C1QTNF2: variants seen among roughly 807,000 people sequenced by gnomAD.
C1QTNF2 encodes the protein C1q and TNF related 2, also known as complement C1q tumor necrosis factor-related protein 2.
C1QTNF2 carries 15 observed loss-of-function variants against 17.4 expected under a neutral mutation model. That is an observed-to-expected ratio of 0.86 (90% CI 0.58 to 1.33). C1QTNF2 has a LOEUF of 1.33. Ranked by LOEUF, C1QTNF2 falls within the 40% of genes most tolerant of loss-of-function variation. The pLI is 0.00. For missense variants in C1QTNF2, 381 were observed against 392.3 expected (o/e 0.97, Z 0.24); for synonymous variants, 154 against 163.3 (o/e 0.94, Z 0.44).
In C1QTNF2 at chr5:160,349,810, A is replaced by G. The variant is rs999174809; in HGVS notation, c.245-29T>C. 7 of 1,510,440 alleles carry G rather than the reference A, an allele frequency of 4.6e-6. No individual in the cohort carries two copies. Among genetic ancestry groups the G allele is most frequent in the Non-Finnish European group, 6.1e-6 (7 of 1,140,530 alleles). The allele number at this position is 1,510,440 out of a possible 1,614,324, so 93.6% of individuals were successfully genotyped here. Reference sequence around the variant, plus strand: ...GAAGACAGAGCAGCTGGTGTTATGGAGGGTCCTCACAGACCTAGGCAGAGG... The same window carrying G: ...GAAGACAGAGCAGCTGGTGTTATGGGGGGTCCTCACAGACCTAGGCAGAGG... On this transcript the variant is annotated intron_variant, in intron 2 of 2. Coordinates refer to ENST00000652664, the MANE Select transcript of C1QTNF2 (RefSeq NM_031908.6). The surrounding 1 kb of genome is among the most constrained non-coding windows in gnomAD (Gnocchi z 4.3).
At chr5:160,370,395 C>A (rs759041125) in intron 1 of C1QTNF2, 117 bp downstream of exon 1, 1 of 1,279,916 alleles carries the variant, frequency 7.8e-7, no homozygotes, top group Non-Finnish European at 1.0e-6. Flanking sequence ...AATAAAGGCG[C>A]GCTGGCAGCT....
Position 160,362,078 on chromosome 5 carries a change from G to A in C1QTNF2, c.-9-7058C>T, listed in dbSNP as rs145861871. 5.7e-4 allele frequency among the ~76,000 whole-genome samples: 87 copies of A among 152,258 alleles called. No individual in the cohort carries two copies. The East Asian group carries it at 7.9e-3, about 14-fold the overall frequency. ...TTGAATAACCTTGAATGAACTGGCC[G>A]CCCTTACGGAGACTGGAATAATCCA... is the stretch of plus-strand genomic sequence containing the variant. On this transcript the variant is annotated intron_variant, in intron 1 of 2. Coordinates refer to ENST00000652664, the MANE Select transcript of C1QTNF2 (RefSeq NM_031908.6).
intron 2 of C1QTNF2, among the ~76,000 whole-genome samples, chr5:160,352,088 T>C (rs1763935540): frequency 6.6e-6 from 1 of 151,980 alleles, no homozygotes; most frequent in African/African-American, 2.4e-5. Context: ...TTTTAAAATT[T>C]TTTGTAGAAA....
chr5:160,367,504 G>A (rs2961923), intron 1 of C1QTNF2, among the ~76,000 whole-genome samples: 74,472 of 152,000 alleles, frequency 0.49, 19,436 homozygotes, highest in Middle Eastern at 0.59. Context: ...TATGAGTGGT[G>A]TCGTTACATT....
intron 1 of C1QTNF2, among the ~76,000 whole-genome samples, chr5:160,366,188 A>T (rs1412745908): frequency 2.0e-5 from 3 of 152,136 alleles, no homozygotes; most frequent in Non-Finnish European, 4.4e-5. Context: ...CTCACTTATG[A>T]GTGAGAACAT....
At chr5:160,358,110 G>A (rs1309020519) in intron 1 of C1QTNF2, among the ~76,000 whole-genome samples, 1 of 152,262 alleles carries the variant, frequency 6.6e-6, no homozygotes, top group Non-Finnish European at 1.5e-5. Flanking sequence ...GGGTGGAAGG[G>A]TGTGTGTCTG....
chr5:160,370,486 G>T, intron 1 of C1QTNF2, 26 bp downstream of exon 1: 2 of 1,416,166 alleles, frequency 1.4e-6, no homozygotes, highest in East Asian at 2.9e-5. Flanking sequence ...TGCCGCCCCC[G>T]CCCGACCGCG....
chr5:160,359,023 G>A (rs563670446), intron 1 of C1QTNF2, among the ~76,000 whole-genome samples: 76 of 152,158 alleles, frequency 5.0e-4, no homozygotes, highest in African/African-American at 1.8e-3. Flanking sequence ...CGATCTACCC[G>A]TTTCAGCCTC....
rs1202709443 is a variant in C1QTNF2 at position 160,348,871 on chromosome 5, T to C, written c.*297A>G. Reference sequence around the variant, plus strand: ...TTGTATATTTGTAAATTGTATCTCCTGCTAGAATGTAAGCTGCATGAGGAC... The same window carrying C: ...TTGTATATTTGTAAATTGTATCTCCCGCTAGAATGTAAGCTGCATGAGGAC... On this transcript the variant is annotated 3_prime_UTR_variant, in exon 3 of 3. Transcript: ENST00000652664. The C allele has an allele frequency of 1.6e-5, 5 of 317,974 alleles. No individual in the cohort carries two copies. In the South Asian group the frequency reaches 5.1e-4, roughly 33 times the overall value. 19.7% of individuals were successfully genotyped at this position (317,974 alleles called of 1,614,324 possible).
At chr5:160,369,127 C>T (rs933387085) in intron 1 of C1QTNF2, among the ~76,000 whole-genome samples, 1 of 151,318 alleles carries the variant, frequency 6.6e-6, no homozygotes, top group Non-Finnish European at 1.5e-5. Context: ...AAATACTTTC[C>T]GAAAAGACAC....
At chr5:160,367,375 C>T (rs552293758) in intron 1 of C1QTNF2, among the ~76,000 whole-genome samples, 1 of 152,174 alleles carries the variant, frequency 6.6e-6, no homozygotes, top group African/African-American at 2.4e-5. Context: ...TGTGTCTCCC[C>T]AGAATTCACA....
At chr5:160,369,576 C>G (rs185673476) in intron 1 of C1QTNF2, among the ~76,000 whole-genome samples, 20 of 152,272 alleles carry the variant, frequency 1.3e-4, no homozygotes, top group African/African-American at 4.8e-4. Flanking sequence ...TTGGATTGAC[C>G]TATGTAAGAC....
chr5:160,358,842 G>A (rs1018564340), intron 1 of C1QTNF2, among the ~76,000 whole-genome samples: 3 of 152,010 alleles, frequency 2.0e-5, no homozygotes, highest in Non-Finnish European at 2.9e-5. Context: ...GTGCAGTGGC[G>A]TGATCTCGGC....
chr5:160,369,915 T>C (rs1764318470), intron 1 of C1QTNF2, among the ~76,000 whole-genome samples: 2 of 152,182 alleles, frequency 1.3e-5, no homozygotes, highest in African/African-American at 2.4e-5. Context: ...TCATGAGGCA[T>C]TGAGTACAAA....
intron 1 of C1QTNF2, among the ~76,000 whole-genome samples, chr5:160,368,437 CAGA>C (rs1764285425): frequency 6.7e-6 from 1 of 148,524 alleles, no homozygotes; most frequent in Non-Finnish European, 1.5e-5. Flanking sequence ...GAGGCTGAGG[CAGA>C]AGAATTGCTT....
chr5:160,354,868 T>C lies in C1QTNF2; in HGVS notation c.144A>G (p.Pro48=), dbSNP rs201835840. The change falls in exon 2 of 3, where the codon CCA becomes CCG. Residue 48 remains proline (P), a synonymous_variant. Coordinates refer to ENST00000652664, the MANE Select transcript of C1QTNF2 (RefSeq NM_031908.6). ...TCATTCCTGAGGGCCCTGGGGCTCC[T>C]GGGGGGCCGGGTGGGCCCTGGGGGC... is the stretch of plus-strand genomic sequence containing the variant. The part of the protein sequence containing the change: ...LPGPQGPPGP[P]GAPGPSGMMG... 1.2e-5 allele frequency: 19 copies of C among 1,608,726 alleles called. No individual in the cohort carries two copies. The East Asian group carries it at 3.4e-4, about 28-fold the overall frequency.
At chr5:160,357,031 C>T (rs1445703047) in intron 1 of C1QTNF2, among the ~76,000 whole-genome samples, 1 of 152,182 alleles carries the variant, frequency 6.6e-6, no homozygotes, top group Non-Finnish European at 1.5e-5. Flanking sequence ...CTGCAAAAGG[C>T]CCCCATGGAA....
intron 2 of C1QTNF2, among the ~76,000 whole-genome samples, chr5:160,353,439 TTCATACGGTCCTAGCGGGGCTGTCAG>T (rs1379836043): frequency 6.6e-6 from 1 of 152,064 alleles, no homozygotes; most frequent in Non-Finnish European, 1.5e-5. Flanking sequence ...ACCATTTCAT[TTCATACGGTCCTAGCGGGGCTGTCAG>T]TCACAATGAC....
At position 160,347,839 on chromosome 5, in the gene C1QTNF2, A is replaced by G. The variant is rs1429901526; in HGVS notation, c.*1329T>C. Reference sequence around the variant, plus strand: ...CAGTGGCAGGATCTCAGCTAACTGCAACCTCCACCTCCTGGGTTCAAGCGA... The same window carrying G: ...CAGTGGCAGGATCTCAGCTAACTGCGACCTCCACCTCCTGGGTTCAAGCGA... On this transcript the variant is annotated 3_prime_UTR_variant, in exon 3 of 3. Coordinates refer to ENST00000652664, the MANE Select transcript of C1QTNF2 (RefSeq NM_031908.6). 6.6e-6 allele frequency: 1 copy of G among 150,384 alleles called. No individual in the cohort carries two copies. Among genetic ancestry groups the G allele is most frequent in the Non-Finnish European group, 1.5e-5 (1 of 67,812 alleles). The allele number at this position is 150,384 out of a possible 1,614,324, so 9.3% of individuals were successfully genotyped here.
Sources: gnomAD v4.1 joint callset for allele counts (sites outside exome capture counted in the v4.1 genomes callset) on GRCh38, gnomAD v4.1.1 for gene constraint, Gnocchi (gnomAD v3.1) non-coding constraint, MANE v1.5 for transcripts, NCBI Gene and HGNC (gene_info 2026-07-23, HGNC 2026-07-21) for gene names.